The following RLN2 variants were observed in gnomAD, a reference collection of about 807,000 sequenced individuals.
RLN2 encodes the protein relaxin 2.
RLN2 carries 10 observed loss-of-function variants against 7.3 expected under a neutral mutation model. That is an observed-to-expected ratio of 1.36 (90% CI 0.84 to 2.31). The LOEUF (loss-of-function observed/expected upper bound fraction) is 2.31, where lower values mean the gene tolerates loss of function less well. Among genes scored for constraint, RLN2 ranks in the 30% most tolerant of loss-of-function variants. The pLI is 0.00. For synonymous variants in RLN2, 103 were observed against 82.3 expected (o/e 1.25, Z -1.36); for missense variants, 298 against 217.6 (o/e 1.37, Z -2.32).
intron 1 of RLN2, among the ~76,000 whole-genome samples, chr9:5,302,649 T>C (rs540614732): frequency 6.6e-6 from 1 of 152,284 alleles, no homozygotes; most frequent in South Asian, 2.1e-4. Flanking sequence ...TCAAAGGAAA[T>C]AAAAATGTAG....
chr9:5,327,425 G>A, the RLN2 span, among the ~76,000 whole-genome samples: 25 of 152,096 alleles, frequency 1.6e-4, no homozygotes, highest in African/African-American at 1.2e-4. Flanking sequence ...GGAGTCCACC[G>A]CAGCTCAACA....
chr9:5,301,944 A>C (rs1163820433), intron 1 of RLN2, among the ~76,000 whole-genome samples: 1 of 152,196 alleles, frequency 6.6e-6, no homozygotes, highest in African/African-American at 2.4e-5. Flanking sequence ...GTTAAATGAG[A>C]GGTTTTGGCA....
At chr9:5,336,918 G>C in the RLN2 span, among the ~76,000 whole-genome samples, 1 of 151,902 alleles carries the variant, frequency 6.6e-6, no homozygotes, top group African/African-American at 2.4e-5. Flanking sequence ...CCTGAGTTTT[G>C]TGGCAAAAGA....
the RLN2 span, among the ~76,000 whole-genome samples, chr9:5,320,297 T>A: frequency 6.7e-6 from 1 of 149,694 alleles, no homozygotes; most frequent in Non-Finnish European, 1.5e-5. Flanking sequence ...ACCTAACACT[T>A]TTAATTAAAC....
upstream of RLN2, among the ~76,000 whole-genome samples, chr9:5,308,628 A>G (rs1016115319): frequency 6.6e-6 from 1 of 152,022 alleles, no homozygotes; most frequent in African/African-American, 2.4e-5. Context: ...GGTTAAAATT[A>G]ATGTCAAAGC....
At chr9:5,324,621 T>G in the RLN2 span, among the ~76,000 whole-genome samples, 2 of 151,956 alleles carry the variant, frequency 1.3e-5, no homozygotes, top group Admixed American at 1.3e-4. Flanking sequence ...TAACACAAAA[T>G]TTGTGTTTAC....
chr9:5,323,449 TTC>T, the RLN2 span, among the ~76,000 whole-genome samples: 3 of 151,946 alleles, frequency 2.0e-5, no homozygotes, highest in African/African-American at 7.3e-5. Context: ...CTTATATAAC[TTC>T]TGTTATATAA....
chr9:5,307,760 C>G (rs1816280866), upstream of RLN2, among the ~76,000 whole-genome samples: 1 of 152,208 alleles, frequency 6.6e-6, no homozygotes, highest in African/African-American at 2.4e-5. Flanking sequence ...CAGGTGGCCT[C>G]TGAGCTTCTA....
In RLN2 at chr9:5,300,148, T is replaced by C. The variant is rs1336413365; in HGVS notation, c.508A>G (p.Lys170Glu). Reference sequence around the variant, plus strand: ...TTGGTACAACCAACATGGCAACATTTATTAGCCAATGCACTGTAGAGTTGT... The same window carrying C: ...TTGGTACAACCAACATGGCAACATTCATTAGCCAATGCACTGTAGAGTTGT... ...KRQLYSALAN[K>E]CCHVGCTKRS... is the part of the protein sequence containing the mutation. The change falls in exon 2 of 2, where the codon AAA becomes GAA. Residue 170 changes from lysine (K) to glutamate (E), a missense_variant. Physicochemically the swap from Lys to Glu is moderately conservative, Grantham distance 56. Coordinates refer to ENST00000381627, the MANE Select transcript of RLN2 (RefSeq NM_134441.3). 6.8e-6 allele frequency: 11 copies of C among 1,606,150 alleles called. No homozygotes were observed. The highest frequency in any genetic ancestry group is 9.3e-6 in the Non-Finnish European group (11 of 1,177,982).
chr9:5,333,266 G>A, the RLN2 span, among the ~76,000 whole-genome samples: 7 of 151,976 alleles, frequency 4.6e-5, no homozygotes, highest in Middle Eastern at 3.4e-3. Flanking sequence ...CATAGGTTCC[G>A]CCTCATCCTA....
intron 1 of RLN2, among the ~76,000 whole-genome samples, chr9:5,301,821 T>A (rs1816147009): frequency 6.6e-6 from 1 of 151,828 alleles, no homozygotes; most frequent in African/African-American, 2.4e-5. Context: ...ACAATTGGAG[T>A]TTGACAGAGG....
the RLN2 span, among the ~76,000 whole-genome samples, chr9:5,314,164 C>T: frequency 6.6e-6 from 1 of 152,086 alleles, no homozygotes; most frequent in African/African-American, 2.4e-5. Context: ...CACGTGGCTA[C>T]TGCATTTGAA....
the RLN2 span, among the ~76,000 whole-genome samples, chr9:5,327,284 G>C: frequency 6.6e-6 from 1 of 152,060 alleles, no homozygotes; most frequent in Non-Finnish European, 1.5e-5. Flanking sequence ...AAGGAGCCTT[G>C]CTCACTACTA....
At chr9:5,323,198 T>C in the RLN2 span, among the ~76,000 whole-genome samples, 2 of 151,922 alleles carry the variant, frequency 1.3e-5, no homozygotes, top group Non-Finnish European at 2.9e-5. Flanking sequence ...TAGCTTAAGA[T>C]AGTATCTGTC....
At chr9:5,333,307 T>G in the RLN2 span, among the ~76,000 whole-genome samples, 1 of 151,874 alleles carries the variant, frequency 6.6e-6, no homozygotes, top group East Asian at 1.9e-4. Context: ...AAGGAGAAGA[T>G]TCAAATAAAC....
At chr9:5,325,059 C>G in the RLN2 span, among the ~76,000 whole-genome samples, 1 of 152,068 alleles carries the variant, frequency 6.6e-6, no homozygotes, top group South Asian at 2.1e-4. Context: ...GATCTTAAGA[C>G]AGTTGGCTTA....
the RLN2 span, among the ~76,000 whole-genome samples, chr9:5,331,695 A>G: frequency 1.3e-5 from 2 of 151,986 alleles, no homozygotes; most frequent in Admixed American, 6.6e-5. Context: ...GAGGGATAGC[A>G]TTAGGAGAAA....
At chr9:5,313,722 C>G in the RLN2 span, among the ~76,000 whole-genome samples, 2 of 151,876 alleles carry the variant, frequency 1.3e-5, no homozygotes, top group Non-Finnish European at 2.9e-5. Flanking sequence ...TTTATGACAT[C>G]AGTAAGATAA....
chr9:5,305,382 C>T (rs1358165700), upstream of RLN2, among the ~76,000 whole-genome samples: 5 of 143,190 alleles, frequency 3.5e-5, no homozygotes, highest in Non-Finnish European at 6.0e-5. Context: ...CACACACACA[C>T]ACACACACAC....
Sources: gnomAD v4.1 joint callset for allele counts (sites outside exome capture counted in the v4.1 genomes callset) on GRCh38, gnomAD v4.1.1 for gene constraint, MANE v1.5 for transcripts, NCBI Gene and HGNC (gene_info 2026-07-23, HGNC 2026-07-21) for gene names.